CACNG2: variants seen among roughly 807,000 people sequenced by gnomAD.
The protein encoded by CACNG2 is calcium voltage-gated channel auxiliary subunit gamma 2.
In CACNG2, 3 loss-of-function variants were observed where a neutral mutation model predicts 25.9. That is an observed-to-expected ratio of 0.12 (90% CI 0.05 to 0.30). CACNG2 has a LOEUF of 0.30. Ranked by LOEUF, CACNG2 falls within the 10% of genes least tolerant of loss-of-function variation. The pLI, the probability that CACNG2 is intolerant of heterozygous loss-of-function variation, is 1.00. For synonymous variants in CACNG2, 167 were observed against 173.3 expected (o/e 0.96, Z 0.29); for missense variants, 341 against 432.5 (o/e 0.79, Z 1.88).
At chr22:36,675,743 G>GTATCCCACTTTCATCCCT (rs1363739972) in intron 1 of CACNG2, among the ~76,000 whole-genome samples, 6 of 152,220 alleles carry the variant, frequency 3.9e-5, no homozygotes. Flanking sequence ...TGTTATCGTA[G>GTATCCCACTTTCATCCCT]TATCCCACTT....
intron 2 of CACNG2, among the ~76,000 whole-genome samples, chr22:36,572,056 C>G (rs1484106481): frequency 6.6e-6 from 1 of 152,160 alleles, no homozygotes; most frequent in African/African-American, 2.4e-5. Context: ...CAAGCATGGT[C>G]TTGTTGCCAA....
intron 1 of CACNG2, among the ~76,000 whole-genome samples, chr22:36,645,119 T>C (rs1311920772): frequency 6.6e-6 from 1 of 152,208 alleles, no homozygotes; most frequent in Non-Finnish European, 1.5e-5. Context: ...AAACAACATC[T>C]GTTCATCAAC....
chr22:36,654,813 C>T (rs560998010), intron 1 of CACNG2, among the ~76,000 whole-genome samples: 3 of 152,236 alleles, frequency 2.0e-5, no homozygotes, highest in East Asian at 3.9e-4. Flanking sequence ...TTCTAGTTAT[C>T]GAAAACAAGT....
At chr22:36,607,634 A>G (rs983374353) in intron 1 of CACNG2, among the ~76,000 whole-genome samples, 2 of 151,922 alleles carry the variant, frequency 1.3e-5, no homozygotes, top group Non-Finnish European at 2.9e-5. Flanking sequence ...CCATTAACCC[A>G]TGAGAGCGGA....
chr22:36,677,268 G>A (rs1937032855), intron 1 of CACNG2, among the ~76,000 whole-genome samples: 1 of 152,088 alleles, frequency 6.6e-6, no homozygotes, highest in African/African-American at 2.4e-5. Context: ...AGAAAAACCA[G>A]GGCCAAATTA....
chr22:36,575,154 G>A lies in CACNG2; in HGVS notation c.296-8661C>T, dbSNP rs563382005. Among the ~76,000 whole-genome samples, 11 of 152,324 alleles carry A rather than the reference G, an allele frequency of 7.2e-5. No individual in the cohort carries two copies. The South Asian group carries it at 2.3e-3, about 32-fold the overall frequency. Reference sequence around the variant, plus strand: ...CTCCGTCTACCTTACTGGGTTACAGGGATTAAGCAGGAAGAGGAATGTGGA... The same window carrying A: ...CTCCGTCTACCTTACTGGGTTACAGAGATTAAGCAGGAAGAGGAATGTGGA... On this transcript the variant is annotated intron_variant, in intron 2 of 3. Transcript: ENST00000300105.
At position 36,568,397 on chromosome 22, in the gene CACNG2, A is replaced by T. The variant is rs578143892; in HGVS notation, c.296-1904T>A. 2.6e-4 allele frequency among the ~76,000 whole-genome samples: 40 copies of T among 151,750 alleles called. 1 individual carries two copies. Among genetic ancestry groups the T allele is most frequent in the African/African-American group, 8.9e-4 (37 of 41,380 alleles). On this transcript the variant is annotated intron_variant, in intron 2 of 3. Coordinates refer to ENST00000300105, the MANE Select transcript of CACNG2 (RefSeq NM_006078.5). ...GTAGGGATTTTTCTTTTTCTTTTTT[A>T]AAATTTATTTTTATTTTTATTTTTT...
At chr22:36,649,688 C>A (rs558905733) in intron 1 of CACNG2, among the ~76,000 whole-genome samples, 2 of 152,314 alleles carry the variant, frequency 1.3e-5, no homozygotes, top group South Asian at 4.1e-4. Flanking sequence ...GGGAAGGACC[C>A]AGTGGGAGGT....
At chr22:36,682,893 G>A (rs1937144088) in intron 1 of CACNG2, among the ~76,000 whole-genome samples, 1 of 152,156 alleles carries the variant, frequency 6.6e-6, no homozygotes, top group Non-Finnish European at 1.5e-5. Context: ...GGGAAGCTAT[G>A]GAAGTGTTTT....
intron 1 of CACNG2, among the ~76,000 whole-genome samples, chr22:36,676,064 C>T (rs533393272): frequency 2.0e-5 from 3 of 152,270 alleles, no homozygotes; most frequent in East Asian, 3.9e-4. Context: ...GCTCGTGTGA[C>T]ATCAAAGCCT....
intron 1 of CACNG2, among the ~76,000 whole-genome samples, chr22:36,642,033 T>C (rs1936448965): frequency 6.6e-6 from 1 of 152,132 alleles, no homozygotes; most frequent in Non-Finnish European, 1.5e-5. Context: ...GGAATTGCTG[T>C]TTATATGATC....
In CACNG2 at chr22:36,702,665, T is replaced by A. The variant is rs1937425753; in HGVS notation, c.-89A>T. ...AAGTACTAAAGCCAAAAAAAATAAA[T>A]AAAAATAAAAATTATTCCACTACTA... is the stretch of plus-strand genomic sequence containing the variant. On this transcript the variant is annotated 5_prime_UTR_variant, in exon 1 of 4. Coordinates refer to ENST00000300105, the MANE Select transcript of CACNG2 (RefSeq NM_006078.5). 6.8e-6 allele frequency: 6 copies of A among 882,288 alleles called. No homozygotes were observed. The highest frequency in any genetic ancestry group is 2.0e-5 in the Admixed American group (1 of 50,574). 54.7% of individuals were successfully genotyped at this position (882,288 alleles called of 1,614,324 possible). A position where few individuals can be genotyped will look rare whatever the true frequency, so the allele number is the denominator to read the frequency against.
chr22:36,674,776 G>A (rs959747040), intron 1 of CACNG2, among the ~76,000 whole-genome samples: 3 of 152,216 alleles, frequency 2.0e-5, no homozygotes, highest in African/African-American at 7.2e-5. Context: ...CCACTGGGAA[G>A]AGGGAGGTAG....
intron 1 of CACNG2, among the ~76,000 whole-genome samples, chr22:36,666,485 C>G: frequency 6.6e-6 from 1 of 151,978 alleles, no homozygotes; most frequent in South Asian, 2.1e-4. Context: ...ATCATAGAGA[C>G]AGAATGCAGA....
intron 1 of CACNG2, among the ~76,000 whole-genome samples, chr22:36,627,129 C>A (rs1936196199): frequency 6.6e-6 from 1 of 152,242 alleles, no homozygotes; most frequent in African/African-American, 2.4e-5. Context: ...TATGAAGAGA[C>A]TGGGGAATCA....
intron 2 of CACNG2, among the ~76,000 whole-genome samples, chr22:36,576,724 C>T (rs748911951): frequency 1.7e-4 from 26 of 152,004 alleles, no homozygotes; most frequent in African/African-American, 3.1e-4. Context: ...AGATGCAGCC[C>T]GCTTGGGGTC....
rs367837943 is a variant in CACNG2 at position 36,673,897 on chromosome 22, C to T, written c.211+28469G>A. On this transcript the variant is annotated intron_variant, in intron 1 of 3. Transcript: ENST00000300105. The stretch of plus-strand genomic sequence containing the variant: ...AAAACACTCAGGCAGGCAGGAGAGG[C>T]AGCAATGTGCGTCAGGAGTGGGGAC... Among the ~76,000 whole-genome samples the T allele has an allele frequency of 3.2e-4, 49 of 152,302 alleles. 1 individual carries two copies. In the South Asian group the frequency reaches 0.01, roughly 32 times the overall value.
chr22:36,617,355 G>T (rs559828172), intron 1 of CACNG2, among the ~76,000 whole-genome samples: 2 of 152,218 alleles, frequency 1.3e-5, no homozygotes, highest in South Asian at 4.2e-4. Flanking sequence ...AATTCAGAGG[G>T]CAGGTAAAAG....
In CACNG2 at chr22:36,697,746, G is replaced by T. The variant is rs143388838; in HGVS notation, c.211+4620C>A. Among the ~76,000 whole-genome samples the T allele has an allele frequency of 1.2e-3, 189 of 152,300 alleles. 5 individuals carry two copies. In the East Asian group the frequency reaches 0.034, roughly 27 times the overall value. ...AAAGTTGTCAGGGTTCTTTGAATTG[G>T]ATGGGAGGTTTGTGAAAGAGTAGAA... On this transcript the variant is annotated intron_variant, in intron 1 of 3. Coordinates refer to ENST00000300105, the MANE Select transcript of CACNG2 (RefSeq NM_006078.5).
Sources: gnomAD v4.1 joint callset for allele counts (sites outside exome capture counted in the v4.1 genomes callset) on GRCh38, gnomAD v4.1.1 for gene constraint, MANE v1.5 for transcripts, NCBI Gene and HGNC (gene_info 2026-07-23, HGNC 2026-07-21) for gene names.